XNDC1N: variants seen among roughly 807,000 people sequenced by gnomAD.
XNDC1N encodes the protein protein XNDC1N.
chr11:71,898,452 C>G, the XNDC1N span, among the ~76,000 whole-genome samples: 1 of 151,814 alleles, frequency 6.6e-6, no homozygotes, highest in Non-Finnish European at 1.5e-5. Flanking sequence ...ATTAAAAATA[C>G]AAAAATTAGC....
the XNDC1N span, among the ~76,000 whole-genome samples, chr11:71,905,326 T>C: frequency 6.6e-6 from 1 of 151,852 alleles, no homozygotes; most frequent in Non-Finnish European, 1.5e-5. Context: ...AAGCTCTTCC[T>C]AGGATAACCC....
the XNDC1N span, among the ~76,000 whole-genome samples, chr11:71,920,202 C>A: frequency 6.6e-6 from 1 of 151,808 alleles, no homozygotes; most frequent in Admixed American, 6.6e-5. Context: ...TCGTGATCCG[C>A]CCGCCTCAGC....
the XNDC1N span, among the ~76,000 whole-genome samples, chr11:71,892,405 G>T: frequency 6.6e-6 from 1 of 152,018 alleles, no homozygotes; most frequent in Non-Finnish European, 1.5e-5. Flanking sequence ...ATATCACAGG[G>T]TGTACACCCA....
chr11:71,875,754 C>T, the XNDC1N span, among the ~76,000 whole-genome samples: 3 of 152,146 alleles, frequency 2.0e-5, no homozygotes, highest in East Asian at 1.9e-4. Context: ...GCGCCGGGCA[C>T]GTAGCTCACT....
chr11:71,901,781 T>G, the XNDC1N span, among the ~76,000 whole-genome samples: 1 of 152,028 alleles, frequency 6.6e-6, no homozygotes. Flanking sequence ...CTCATCTGAC[T>G]TGATTTCCAG....
At chr11:71,875,647 A>G in the XNDC1N span, among the ~76,000 whole-genome samples, 2 of 152,172 alleles carry the variant, frequency 1.3e-5, no homozygotes, top group African/African-American at 4.8e-5. Flanking sequence ...AACTAAATAC[A>G]GGAAAGTCAA....
chr11:71,887,688 G>A, the XNDC1N span, among the ~76,000 whole-genome samples: 4,157 of 152,024 alleles, frequency 0.027, 1 homozygote, highest in East Asian at 0.077. Flanking sequence ...GTTCCTTGTC[G>A]GTCTCCATGG....
the XNDC1N span, among the ~76,000 whole-genome samples, chr11:71,885,125 C>A: frequency 6.6e-6 from 1 of 150,794 alleles, no homozygotes; most frequent in Non-Finnish European, 1.5e-5. Flanking sequence ...ATTGTACACC[C>A]GTCTGTATTG....
At chr11:71,869,173 G>T in the XNDC1N span, among the ~76,000 whole-genome samples, 1 of 151,976 alleles carries the variant, frequency 6.6e-6, no homozygotes, top group African/African-American at 2.4e-5. Flanking sequence ...TTTACACTAG[G>T]TATATCTCCT....
the XNDC1N span, among the ~76,000 whole-genome samples, chr11:71,895,327 G>C: frequency 6.7e-6 from 1 of 148,678 alleles, no homozygotes; most frequent in Admixed American, 6.6e-5. Flanking sequence ...CTTTTTTTTT[G>C]AGTCAGAGTT....
chr11:71,914,253 G>T, the XNDC1N span: 1 of 455,690 alleles, frequency 2.2e-6, no homozygotes, highest in South Asian at 1.6e-5. Context: ...CATCTTGGAT[G>T]CCATTAAGAA....
At chr11:71,871,628 C>A in the XNDC1N span, among the ~76,000 whole-genome samples, 1 of 151,950 alleles carries the variant, frequency 6.6e-6, no homozygotes, top group Non-Finnish European at 1.5e-5. Context: ...TCACTTTGTA[C>A]CCAATAAATA....
the XNDC1N span, among the ~76,000 whole-genome samples, chr11:71,895,746 AC>A: frequency 6.6e-6 from 1 of 152,252 alleles, no homozygotes; most frequent in Non-Finnish European, 1.5e-5. Flanking sequence ...TAAAATGGGC[AC>A]AGTATCCCTG....
At chr11:71,913,335 C>T in the XNDC1N span, among the ~76,000 whole-genome samples, 1 of 151,890 alleles carries the variant, frequency 6.6e-6, no homozygotes, top group Non-Finnish European at 1.5e-5. Flanking sequence ...TAACCCCCTG[C>T]GATATTGGGA....
the XNDC1N span, among the ~76,000 whole-genome samples, chr11:71,904,737 C>T: frequency 1.1e-3 from 174 of 152,036 alleles, 4 homozygotes; most frequent in East Asian, 0.029. Flanking sequence ...ACATCTCCTG[C>T]GCCATCAGGA....
At chr11:71,907,831 C>A in the XNDC1N span, among the ~76,000 whole-genome samples, 4 of 152,154 alleles carry the variant, frequency 2.6e-5, no homozygotes, top group Non-Finnish European at 5.9e-5. Flanking sequence ...AGTCATATCA[C>A]CCCCTCCGCC....
chr11:71,885,151 T>C, the XNDC1N span, among the ~76,000 whole-genome samples: 3 of 150,942 alleles, frequency 2.0e-5, no homozygotes, highest in African/African-American at 7.5e-5. Context: ...CATATCATCT[T>C]CTTCCTCCCT....
chr11:71,881,636 T>TA, the XNDC1N span, among the ~76,000 whole-genome samples: 181 of 145,326 alleles, frequency 1.2e-3, no homozygotes, highest in South Asian at 1.3e-3. Context: ...TATCAGTCCT[T>TA]AAAAAAAAAA....
the XNDC1N span, among the ~76,000 whole-genome samples, chr11:71,875,604 A>AG: frequency 6.6e-6 from 1 of 152,114 alleles, no homozygotes; most frequent in Non-Finnish European, 1.5e-5. Context: ...GATTTTCCTG[A>AG]GGGGGAAAGG....
Sources: gnomAD v4.1 joint callset for allele counts (sites outside exome capture counted in the v4.1 genomes callset) on GRCh38, gnomAD v4.1.1 for gene constraint, MANE v1.5 for transcripts, NCBI Gene and HGNC (gene_info 2026-07-23, HGNC 2026-07-21) for gene names.